Variants in CIMIP5 observed in about 807,000 individuals in gnomAD.
The protein encoded by CIMIP5 is ciliary microtubule inner protein 5.
chr2:11,154,123 C>A, the CIMIP5 span, among the ~76,000 whole-genome samples: 4 of 152,048 alleles, frequency 2.6e-5, no homozygotes, highest in East Asian at 7.8e-4. Flanking sequence ...ACCACAGGCA[C>A]GCGCCACCAC....
chr2:11,141,449 T>C, the CIMIP5 span, among the ~76,000 whole-genome samples: 3 of 152,084 alleles, frequency 2.0e-5, no homozygotes, highest in African/African-American at 7.2e-5. Flanking sequence ...CTTTTATCTA[T>C]GCCTTTGGGC....
chr2:11,133,276 C>T, the CIMIP5 span: 2 of 1,422,514 alleles, frequency 1.4e-6, no homozygotes, highest in Non-Finnish European at 9.4e-7. Context: ...TGAGCTCAGG[C>T]ACAGGTCTCT....
the CIMIP5 span, among the ~76,000 whole-genome samples, chr2:11,153,555 A>G: frequency 6.6e-6 from 1 of 152,330 alleles, no homozygotes; most frequent in Non-Finnish European, 1.5e-5. Context: ...GCATCAAGGG[A>G]CCTATCACAT....
At chr2:11,144,820 TC>T in the CIMIP5 span, 10 of 16,904 alleles carry the variant, frequency 5.9e-4, no homozygotes, top group South Asian at 2.0e-3. Flanking sequence ...TCTCTCTCTC[TC>T]TTTTTTTTTT....
chr2:11,143,950 G>A, the CIMIP5 span: 4 of 1,600,794 alleles, frequency 2.5e-6, no homozygotes, highest in Non-Finnish European at 3.4e-6. Context: ...GAAGTTGCCA[G>A]ACCATGTGCC....
chr2:11,142,746 G>T, the CIMIP5 span, among the ~76,000 whole-genome samples: 1 of 139,478 alleles, frequency 7.2e-6, no homozygotes, highest in Non-Finnish European at 1.5e-5. Flanking sequence ...TTGAGATACG[G>T]TCTCACTCTG....
chr2:11,150,406 C>T, the CIMIP5 span, among the ~76,000 whole-genome samples: 2 of 150,916 alleles, frequency 1.3e-5, no homozygotes, highest in Non-Finnish European at 2.9e-5. Flanking sequence ...CATCTTGGCT[C>T]ACTGCAGCCT....
chr2:11,133,543 A>G, the CIMIP5 span: 2 of 1,607,342 alleles, frequency 1.2e-6, no homozygotes, highest in Middle Eastern at 1.8e-4. Context: ...CAGCAGGACC[A>G]GCTGTGGCGG....
At chr2:11,143,847 G>C in the CIMIP5 span, 1 of 1,297,552 alleles carries the variant, frequency 7.7e-7, no homozygotes, top group Non-Finnish European at 1.0e-6. Context: ...GCTGCTCTCT[G>C]CTCTGTTTTC....
At chr2:11,135,656 GGGTTTTTTTGGT>G in the CIMIP5 span, among the ~76,000 whole-genome samples, 5 of 64,282 alleles carry the variant, frequency 7.8e-5, no homozygotes, top group South Asian at 7.2e-4. Context: ...GTTTTTTTTG[GGGTTTTTTTGGT>G]TTTTTTTTTT....
chr2:11,144,172 C>G, the CIMIP5 span: 5 of 1,406,972 alleles, frequency 3.6e-6, no homozygotes, highest in Non-Finnish European at 4.8e-6. Flanking sequence ...AGAGACCCAG[C>G]CCACAACAGC....
At chr2:11,147,484 T>G in the CIMIP5 span, among the ~76,000 whole-genome samples, 1 of 152,186 alleles carries the variant, frequency 6.6e-6, no homozygotes, top group Non-Finnish European at 1.5e-5. Context: ...AACACCCCCT[T>G]CCTTGCTCAC....
At chr2:11,153,314 G>A in the CIMIP5 span, among the ~76,000 whole-genome samples, 7 of 152,306 alleles carry the variant, frequency 4.6e-5, no homozygotes, top group South Asian at 4.1e-4. Flanking sequence ...CACTCCCTGC[G>A]TGGTCCTGGG....
the CIMIP5 span, chr2:11,144,197 C>T: frequency 8.3e-7 from 1 of 1,210,504 alleles, no homozygotes; most frequent in African/African-American, 1.5e-5. Flanking sequence ...GTCAGCTCCC[C>T]ACACAAGGCA....
At chr2:11,151,691 A>G in the CIMIP5 span, among the ~76,000 whole-genome samples, 3 of 152,258 alleles carry the variant, frequency 2.0e-5, no homozygotes, top group Non-Finnish European at 2.9e-5. Flanking sequence ...TCTGGAGTGC[A>G]GTGGCACGAT....
chr2:11,137,382 A>G, the CIMIP5 span, among the ~76,000 whole-genome samples: 1 of 150,668 alleles, frequency 6.6e-6, no homozygotes, highest in Non-Finnish European at 1.5e-5. Context: ...TCAAAAAAAA[A>G]CAAAAAACAA....
At chr2:11,151,492 C>T in the CIMIP5 span, among the ~76,000 whole-genome samples, 1 of 152,212 alleles carries the variant, frequency 6.6e-6, no homozygotes, top group Non-Finnish European at 1.5e-5. Flanking sequence ...TTGCCCGCTG[C>T]CTAGACAGAC....
the CIMIP5 span, chr2:11,144,472 CTG>C: frequency 1.2e-5 from 2 of 172,286 alleles, no homozygotes; most frequent in East Asian, 1.5e-4. Flanking sequence ...CTGCAACACT[CTG>C]TGCCTCCGTC....
chr2:11,151,626 T>TTTTGGTTTGG, the CIMIP5 span, among the ~76,000 whole-genome samples: 1 of 152,306 alleles, frequency 6.6e-6, no homozygotes, highest in African/African-American at 2.4e-5. Flanking sequence ...GTGTTTTTGT[T>TTTTGGTTTGG]TTTGGTTTGG....
Sources: gnomAD v4.1 joint callset for allele counts (sites outside exome capture counted in the v4.1 genomes callset) on GRCh38, gnomAD v4.1.1 for gene constraint, MANE v1.5 for transcripts, NCBI Gene and HGNC (gene_info 2026-07-23, HGNC 2026-07-21) for gene names.